LRFN5: variants seen among roughly 807,000 people sequenced by gnomAD.
LRFN5 encodes the protein leucine rich repeat and fibronectin type III domain containing 5, also known as leucine-rich repeat and fibronectin type-III domain-containing protein 5.
Under a neutral mutation model 45.6 loss-of-function variants are expected in LRFN5, and 24 were observed. That is an observed-to-expected ratio of 0.53 (90% confidence interval 0.38 to 0.74). The LOEUF (loss-of-function observed/expected upper bound fraction) is 0.74. Among genes scored for constraint, LRFN5 ranks in the 30% least tolerant of loss-of-function variants. The pLI is 0.00. For synonymous variants in LRFN5, 340 were observed against 313.8 expected, an observed-to-expected ratio of 1.08 and a Z score of -0.88; for missense variants, 776 against 861.5, an observed-to-expected ratio of 0.90 and a Z score of 1.24.
chr14:41,613,921 T>A (rs1235974074), intron 1 of LRFN5, among the ~76,000 whole-genome samples: 1 of 151,608 alleles, frequency 6.6e-6, no homozygotes, highest in Non-Finnish European at 1.5e-5. Context: ...TCTTCATTTT[T>A]ACTCCTTATT....
At chr14:41,817,744 G>A (rs1254345152) in intron 2 of LRFN5, among the ~76,000 whole-genome samples, 2 of 152,142 alleles carry the variant, frequency 1.3e-5, no homozygotes, top group African/African-American at 2.4e-5. Context: ...TGTTTACTAT[G>A]AGAACCTAGA....
At chr14:41,795,633 G>T (rs1209885180) in intron 2 of LRFN5, among the ~76,000 whole-genome samples, 1 of 152,020 alleles carries the variant, frequency 6.6e-6, no homozygotes, top group African/African-American at 2.4e-5. Context: ...GTAGGGACAT[G>T]GATGAAGCTG....
chr14:41,859,449 A>G (rs1889586431), intron 2 of LRFN5, among the ~76,000 whole-genome samples: 1 of 152,160 alleles, frequency 6.6e-6, no homozygotes. Flanking sequence ...ATTAACCCTA[A>G]TGTTTGGTGA....
At chr14:41,707,213 A>G (rs1254527393) in intron 1 of LRFN5, among the ~76,000 whole-genome samples, 1 of 152,222 alleles carries the variant, frequency 6.6e-6, no homozygotes, top group Non-Finnish European at 1.5e-5. Flanking sequence ...AGGCAAGAAT[A>G]TACATTAGGA....
intron 1 of LRFN5, among the ~76,000 whole-genome samples, chr14:41,669,866 A>G (rs1253765465): frequency 3.3e-5 from 5 of 151,854 alleles, no homozygotes; most frequent in Admixed American, 2.0e-4. Context: ...CTCTGACTCT[A>G]ATAATTGAAA....
chr14:41,720,884 A>T (rs1365918084), intron 1 of LRFN5, among the ~76,000 whole-genome samples: 2 of 152,000 alleles, frequency 1.3e-5, no homozygotes, highest in East Asian at 3.9e-4. Flanking sequence ...TGTCCTATAG[A>T]TGTCTGTTAG....
At position 41,735,931 on chromosome 14, in the gene LRFN5, G is replaced by T. The variant is rs183550864; in HGVS notation, c.-196-30923G>T. Among the ~76,000 whole-genome samples the T allele has an allele frequency of 1.9e-3, 288 of 152,192 alleles. 3 individuals are homozygous for T. Among genetic ancestry groups the T allele is most frequent in the Admixed American group, 0.016 (247 of 15,270 alleles). On this transcript the variant is annotated intron_variant, in intron 1 of 5. Transcript: ENST00000298119. ...TCATCCATGTCTCTGAAAAGGACAT[G>T]AATTCATTCTTTTTTATGGCTGCAT...
intron 1 of LRFN5, among the ~76,000 whole-genome samples, chr14:41,734,728 C>CA (rs1376248847): frequency 6.6e-6 from 1 of 151,600 alleles, no homozygotes; most frequent in East Asian, 1.9e-4. Context: ...GTTTGTAGAT[C>CA]ATTTGTTATC....
At position 41,610,674 on chromosome 14, in the gene LRFN5, A is replaced by AAAAAAAAAAAAAAAAAAAAC. The variant is rs1887718126; in HGVS notation, c.-197+2121_-197+2122insAAAAAAAAAACAAAAAAAAA. 1.3e-5 allele frequency among the ~76,000 whole-genome samples: 2 copies of AAAAAAAAAAAAAAAAAAAAC among 148,506 alleles called. 1 individual carries two copies. The highest frequency in any genetic ancestry group is 3.0e-5 in the Non-Finnish European group (2 of 66,950). On this transcript the variant is annotated intron_variant, in intron 1 of 5. Transcript: ENST00000298119. ...TCCCAGGGAAGGTAAAAAAAAAAAA[A>AAAAAAAAAAAAAAAAAAAAC]AAAAAAAAAGTGTATTGCCTGGATT...
intron 1 of LRFN5, among the ~76,000 whole-genome samples, chr14:41,721,864 C>T (rs1883729604): frequency 6.6e-6 from 1 of 152,042 alleles, no homozygotes; most frequent in East Asian, 1.9e-4. Flanking sequence ...ATATTTTGTA[C>T]AGTATCTCAC....
chr14:41,789,083 A>G (rs116042517), intron 2 of LRFN5, among the ~76,000 whole-genome samples: 3,054 of 152,092 alleles, frequency 0.02, 116 homozygotes, highest in African/African-American at 0.07. Flanking sequence ...AAGTTTCTAA[A>G]TAAGTTTTAC....
At chr14:41,615,516 C>A in intron 1 of LRFN5, among the ~76,000 whole-genome samples, 1 of 152,092 alleles carries the variant, frequency 6.6e-6, no homozygotes, top group East Asian at 1.9e-4. Flanking sequence ...TAAATGTTAG[C>A]TATCATTAGT....
chr14:41,815,237 A>T (rs765147612), intron 2 of LRFN5, among the ~76,000 whole-genome samples: 2 of 152,094 alleles, frequency 1.3e-5, no homozygotes, highest in Non-Finnish European at 2.9e-5. Context: ...AGGTACATGC[A>T]TGTTAATAAT....
At chr14:41,798,721 TA>T (rs570380490) in intron 2 of LRFN5, among the ~76,000 whole-genome samples, 260 of 152,150 alleles carry the variant, frequency 1.7e-3, no homozygotes, top group Non-Finnish European at 3.1e-3. Flanking sequence ...TCATTAGAGG[TA>T]AAAGTTTGTA....
chr14:41,882,334 C>T (rs746152752), intron 2 of LRFN5, among the ~76,000 whole-genome samples: 16 of 152,052 alleles, frequency 1.1e-4, no homozygotes, highest in Non-Finnish European at 1.5e-4. Flanking sequence ...TGTCACCCTA[C>T]GCATTTTGTG....
chr14:41,830,875 A>T (rs1888453112), intron 2 of LRFN5, among the ~76,000 whole-genome samples: 1 of 152,182 alleles, frequency 6.6e-6, no homozygotes, highest in South Asian at 2.1e-4. Context: ...AGCTCCTCTG[A>T]GTTGCCTCTT....
In LRFN5 at chr14:41,886,652, T is replaced by C; in HGVS notation, c.27T>C (p.Phe9=). The C allele has an allele frequency of 6.3e-7, 1 of 1,586,712 alleles. No homozygotes were observed. Among genetic ancestry groups the C allele is most frequent in the Non-Finnish European group, 8.5e-7 (1 of 1,171,298 alleles). The change falls in exon 3 of 6, where the codon TTT becomes TTC. Residue 9 remains phenylalanine (F), a synonymous_variant. Coordinates refer to ENST00000298119, the MANE Select transcript of LRFN5 (RefSeq NM_152447.5). The part of the protein sequence containing the change: MEKILFYL[F]LIGIAVKAQI... The stretch of plus-strand genomic sequence containing the variant: ...TGGAAAAAATTCTTTTTTATCTGTT[T>C]CTCATTGGCATAGCAGTGAAAGCTC...
chr14:41,684,317 A>G (rs1369480302), intron 1 of LRFN5, among the ~76,000 whole-genome samples: 2 of 152,080 alleles, frequency 1.3e-5, no homozygotes, highest in Non-Finnish European at 2.9e-5. Flanking sequence ...AGACTGGATA[A>G]TTTATAAAAG....
chr14:41,755,472 A>G (rs7145477), intron 1 of LRFN5, among the ~76,000 whole-genome samples: 19,834 of 152,220 alleles, frequency 0.13, 1,538 homozygotes, highest in Non-Finnish European at 0.18. Context: ...CTATATATTT[A>G]GGATAGTTAG....
Sources: gnomAD v4.1 joint callset for allele counts (sites outside exome capture counted in the v4.1 genomes callset) on GRCh38, gnomAD v4.1.1 for gene constraint, MANE v1.5 for transcripts, NCBI Gene and HGNC (gene_info 2026-07-23, HGNC 2026-07-21) for gene names.